The following ZBTB46 variants were observed in gnomAD, a reference collection of about 807,000 sequenced individuals.
ZBTB46 encodes the protein zinc finger and BTB domain-containing protein 46.
Under a neutral mutation model 44.1 loss-of-function variants are expected in ZBTB46, and 8 were observed. The ratio of observed to expected loss-of-function variants is 0.18; its 90% confidence interval spans 0.11 to 0.33. The LOEUF (loss-of-function observed/expected upper bound fraction) is 0.33, where lower values mean the gene tolerates loss of function less well. Ranked by LOEUF, ZBTB46 falls within the 10% of genes least tolerant of loss-of-function variation. The pLI, the probability that ZBTB46 is intolerant of heterozygous loss-of-function variation, is 1.00. For missense variants in ZBTB46, 651 were observed against 847.7 expected (o/e 0.77, Z 2.88); for synonymous variants, 409 against 382.3 (o/e 1.07, Z -0.81).
In ZBTB46 at chr20:63,748,763, G is replaced by A. The variant is rs116456033; in HGVS notation, c.1399-1462C>T. The stretch of plus-strand genomic sequence containing the variant: ...GTCTCCCGGGGCCTGCAGCACCTCT[G>A]AGGCTGCACGGAGAACTGAGGCTGG... On this transcript the variant is annotated intron_variant, in intron 4 of 4. Coordinates refer to ENST00000245663, the MANE Select transcript of ZBTB46 (RefSeq NM_001369741.1). Among the ~76,000 whole-genome samples the A allele has an allele frequency of 1.6e-3, 237 of 152,334 alleles. 2 individuals carry two copies. The highest frequency in any genetic ancestry group is 5.6e-3 in the African/African-American group (231 of 41,576).
chr20:63,823,858 T>TGTGTGTGTGTGTGTG (rs1555859083), intron 1 of ZBTB46, among the ~76,000 whole-genome samples: 3 of 144,718 alleles, frequency 2.1e-5, no homozygotes, highest in Non-Finnish European at 4.5e-5. Context: ...TCTAGGAACC[T>TGTGTGTGTGTGTGTG]TGTGTGTGTG....
intron 1 of ZBTB46, among the ~76,000 whole-genome samples, chr20:63,796,446 T>C (rs2092604971): frequency 6.6e-6 from 1 of 152,240 alleles, no homozygotes; most frequent in Non-Finnish European, 1.5e-5. Flanking sequence ...TCACACTGTT[T>C]TACCACATTC....
At chr20:63,796,815 G>A (rs2092607398) in intron 1 of ZBTB46, among the ~76,000 whole-genome samples, 1 of 151,876 alleles carries the variant, frequency 6.6e-6, no homozygotes, top group Non-Finnish European at 1.5e-5. Flanking sequence ...ACAAGAGTAA[G>A]ACTCCATCTC....
At chr20:63,789,261 TC>T (rs1012903939) in intron 2 of ZBTB46, among the ~76,000 whole-genome samples, 24 of 152,138 alleles carry the variant, frequency 1.6e-4, no homozygotes, top group Admixed American at 5.2e-4. Context: ...ACCTCTCAGG[TC>T]CCCAGGTCAA....
In ZBTB46 at chr20:63,820,439, A is replaced by AT. The variant is rs1383468703; in HGVS notation, c.-34+10657dup. 4.9e-3 allele frequency among the ~76,000 whole-genome samples: 737 copies of AT among 150,060 alleles called. 5 individuals are homozygous for AT. Among genetic ancestry groups the AT allele is most frequent in the African/African-American group, 0.017 (703 of 40,446 alleles). ...ACTTTTTAAGAAGTATATTATATAT[A>AT]TATATTTTTTTTTTGAGACAGAGTT... On this transcript the variant is annotated intron_variant, in intron 1 of 4. Coordinates refer to ENST00000245663, the MANE Select transcript of ZBTB46 (RefSeq NM_001369741.1).
At chr20:63,821,217 A>G (rs1387830884) in intron 1 of ZBTB46, among the ~76,000 whole-genome samples, 1 of 142,236 alleles carries the variant, frequency 7.0e-6, no homozygotes, top group Non-Finnish European at 1.5e-5. Context: ...ACAGGGCTTC[A>G]CGATGTTGGC....
intron 3 of ZBTB46, among the ~76,000 whole-genome samples, chr20:63,765,149 T>C (rs2092310610): frequency 1.3e-5 from 2 of 151,716 alleles, no homozygotes; most frequent in South Asian, 4.2e-4. Flanking sequence ...CTTAGAGGCT[T>C]GGGGTGGGGG....
chr20:63,751,664 C>A (rs932445567), intron 4 of ZBTB46, among the ~76,000 whole-genome samples: 2 of 150,152 alleles, frequency 1.3e-5, no homozygotes, highest in Non-Finnish European at 3.0e-5. Flanking sequence ...GTGGGTCTCC[C>A]CATGAAGCCC....
intron 2 of ZBTB46, among the ~76,000 whole-genome samples, chr20:63,786,713 T>C (rs751033492): frequency 2.6e-5 from 4 of 152,162 alleles, no homozygotes; most frequent in Non-Finnish European, 4.4e-5. Flanking sequence ...GGTTTCACCA[T>C]GTTGGCCACG....
chr20:63,753,319 A>C (rs1318259374), intron 3 of ZBTB46, among the ~76,000 whole-genome samples: 2 of 152,172 alleles, frequency 1.3e-5, no homozygotes, highest in Admixed American at 1.3e-4. Context: ...CGGACCCAAA[A>C]GTGTGCAGGC....
rs1267321076 is a variant in ZBTB46 at position 63,752,904 on chromosome 20, G to A, written c.1223-43C>T. The A allele has an allele frequency of 1.3e-6, 2 of 1,550,924 alleles. No homozygotes were observed. Among genetic ancestry groups the A allele is most frequent in the Non-Finnish European group, 8.7e-7 (1 of 1,144,012 alleles). On this transcript the variant is annotated intron_variant, in intron 3 of 4. Transcript: ENST00000245663. The surrounding 1 kb of genome is among the most constrained non-coding windows in gnomAD (Gnocchi z 5.6). ...GCGAGGCGTCAGCAGGGCTTGGGATGTACCGCCCTGCGGCCCACAGACCAC... is the reference window on the plus strand; with the variant it reads ...GCGAGGCGTCAGCAGGGCTTGGGATATACCGCCCTGCGGCCCACAGACCAC...
intron 1 of ZBTB46, among the ~76,000 whole-genome samples, chr20:63,825,996 C>CA (rs2092817545): frequency 6.6e-6 from 1 of 152,240 alleles, no homozygotes; most frequent in South Asian, 2.1e-4. Flanking sequence ...AGGCAGCTGT[C>CA]AACACCGGGA....
intron 2 of ZBTB46, among the ~76,000 whole-genome samples, chr20:63,784,100 G>C (rs1214982740): frequency 6.6e-6 from 1 of 152,196 alleles, no homozygotes; most frequent in African/African-American, 2.4e-5. Context: ...CCTTCGTGGA[G>C]AGAAAGAGGG....
chr20:63,831,688 C>G (rs1039162040), upstream of ZBTB46, among the ~76,000 whole-genome samples: 74 of 150,686 alleles, frequency 4.9e-4, no homozygotes, highest in East Asian at 0.012. Flanking sequence ...GCGGCGACCC[C>G]GGCGAGGGCA....
At position 63,743,911 on chromosome 20, in the gene ZBTB46, T is replaced by TAA. The variant is rs920477237; in HGVS notation, c.*3017_*3018dup. Reference sequence around the variant, plus strand: ...CTCCAATACAAACACAGGTTTATAATAAGTAATAGGAAGTCAATATAATAT... The same window carrying TAA: ...CTCCAATACAAACACAGGTTTATAATAAAAGTAATAGGAAGTCAATATAATAT... On this transcript the variant is annotated 3_prime_UTR_variant, in exon 5 of 5. Coordinates refer to ENST00000245663, the MANE Select transcript of ZBTB46 (RefSeq NM_001369741.1). The TAA allele has an allele frequency of 4.6e-5, 7 of 152,424 alleles. No individual in the cohort carries two copies. The highest frequency in any genetic ancestry group is 7.4e-5 in the Non-Finnish European group (5 of 68,006). 9.4% of individuals were successfully genotyped at this position (152,424 alleles called of 1,614,324 possible). A position where few individuals can be genotyped will look rare whatever the true frequency, so the allele number is the denominator to read the frequency against.
chr20:63,818,584 G>A (rs752425994), intron 1 of ZBTB46, among the ~76,000 whole-genome samples: 11 of 152,056 alleles, frequency 7.2e-5, no homozygotes, highest in South Asian at 2.1e-4. Flanking sequence ...GGCTGGTCGC[G>A]GTGGCTCATG....
At chr20:63,823,449 G>A (rs1215845820) in intron 1 of ZBTB46, among the ~76,000 whole-genome samples, 7 of 151,466 alleles carry the variant, frequency 4.6e-5, no homozygotes, top group African/African-American at 1.7e-4. Flanking sequence ...AGTGAGCCAA[G>A]ATCACGCCAC....
intron 1 of ZBTB46, among the ~76,000 whole-genome samples, chr20:63,830,342 A>T: frequency 6.6e-6 from 1 of 151,968 alleles, no homozygotes; most frequent in East Asian, 1.9e-4. Flanking sequence ...GTCTATTTAC[A>T]GAGAAACAAA....
At chr20:63,769,167 C>T (rs1428941741) in intron 3 of ZBTB46, 17 of 984,594 alleles carry the variant, frequency 1.7e-5, no homozygotes, top group African/African-American at 3.5e-5. Flanking sequence ...GCCGTGGCCA[C>T]GCACACATGG....
Sources: allele counts gnomAD v4.1 joint callset (sites outside exome capture counted in the v4.1 genomes callset), GRCh38; gene constraint gnomAD v4.1.1; non-coding constraint Gnocchi (gnomAD v3.1); transcripts MANE v1.5; gene names NCBI Gene and HGNC (gene_info 2026-07-23, HGNC 2026-07-21).